Variants in PPWD1 observed in about 807,000 individuals in gnomAD.
The protein encoded by PPWD1 is peptidylprolyl isomerase domain and WD repeat-containing protein 1.
A neutral mutation model predicts 68.8 loss-of-function variants in PPWD1; 43 were observed. That is an observed-to-expected ratio of 0.62 (90% confidence interval 0.49 to 0.81). The LOEUF is 0.81. Ranked by LOEUF, PPWD1 falls within the 30% of genes least tolerant of loss-of-function variation. The pLI, the probability that PPWD1 is intolerant of heterozygous loss-of-function variation, is 0.00. For synonymous variants in PPWD1, 232 were observed against 258.7 expected (o/e 0.90, Z 0.99); for missense variants, 672 against 804.8 (o/e 0.83, Z 2.00).
intron 5 of PPWD1, 46 bp downstream of exon 5, chr5:65,572,332 C>CT: frequency 6.7e-7 from 1 of 1,493,264 alleles, no homozygotes; most frequent in Non-Finnish European, 9.0e-7. Flanking sequence ...TCTAAAAATG[C>CT]TTTATTTTAT....
intron 1 of PPWD1, among the ~76,000 whole-genome samples, chr5:65,565,519 G>GT (rs1171276874): frequency 6.6e-6 from 1 of 152,038 alleles, no homozygotes; most frequent in African/African-American, 2.4e-5. Flanking sequence ...ACAGCCAATA[G>GT]TTGGCCGGGT....
chr5:65,569,502 AAAG>A, intron 2 of PPWD1, 127 bp from the exon 3 acceptor site: 1 of 1,131,038 alleles, frequency 8.8e-7, no homozygotes, highest in Admixed American at 3.5e-5. Context: ...TGGTCTGCTT[AAAG>A]AAGGGTTTTT....
At chr5:65,577,139 C>T (rs1394170723) in intron 6 of PPWD1, 70 bp downstream of exon 6, 1 of 1,525,290 alleles carries the variant, frequency 6.6e-7, no homozygotes, top group East Asian at 2.3e-5. Flanking sequence ...ATCATGGGAA[C>T]AGTGGGAGTA....
At chr5:65,573,806 A>G (rs556762742) in intron 5 of PPWD1, among the ~76,000 whole-genome samples, 2 of 152,170 alleles carry the variant, frequency 1.3e-5, no homozygotes, top group South Asian at 2.1e-4. Flanking sequence ...TTATGATTCT[A>G]TCTCCAGCAG....
At chr5:65,583,947 G>T (rs1264529745) in intron 8 of PPWD1, among the ~76,000 whole-genome samples, 2 of 151,970 alleles carry the variant, frequency 1.3e-5, no homozygotes, top group Non-Finnish European at 2.9e-5. Flanking sequence ...GTGAGACCCT[G>T]TTTCTACAAA....
rs1753136689 is a variant in PPWD1, at chr5:65,573,555, A to ATTTTTTTT, written c.969+1269_969+1270insTTTTTTTT. ...TTTTTTTTTTTTTTTTTTTTTTTTA[A>ATTTTTTTT]GTACAGACGGGTTTCACCGTGTTAG... is the stretch of plus-strand genomic sequence containing the variant. On this transcript the variant is annotated intron_variant, in intron 5 of 10. Coordinates refer to ENST00000261308, the MANE Select transcript of PPWD1 (RefSeq NM_015342.4). Among the ~76,000 whole-genome samples the ATTTTTTTT allele has an allele frequency of 3.6e-4, 2 of 5,566 alleles. 1 individual carries two copies. The highest frequency in any genetic ancestry group is 6.1e-4 in the Non-Finnish European group (2 of 3,272). 3.7% of individuals were successfully genotyped at this position (5,566 alleles called of 152,430 possible). A position where few individuals can be genotyped will look rare whatever the true frequency, so the allele number is the denominator to read the frequency against.
At chr5:65,586,648 A>G (rs1450020527) in intron 10 of PPWD1, among the ~76,000 whole-genome samples, 4 of 152,188 alleles carry the variant, frequency 2.6e-5, no homozygotes, top group Non-Finnish European at 5.9e-5. Flanking sequence ...CAAAATTATA[A>G]AAATTACCTA....
intron 5 of PPWD1, among the ~76,000 whole-genome samples, chr5:65,572,603 T>C (rs1246819012): frequency 1.3e-5 from 2 of 152,184 alleles, no homozygotes; most frequent in African/African-American, 2.4e-5. Context: ...TTCTCACTCT[T>C]TATTCACTCC....
At chr5:65,570,343 G>GT in intron 4 of PPWD1, 2 of 879,756 alleles carry the variant, frequency 2.3e-6, no homozygotes, top group Non-Finnish European at 2.7e-6. Flanking sequence ...ATAGAATTGA[G>GT]TTCCTATAAG....
intron 6 of PPWD1, among the ~76,000 whole-genome samples, chr5:65,577,364 T>A (rs1259084856): frequency 6.6e-6 from 1 of 152,232 alleles, no homozygotes; most frequent in African/African-American, 2.4e-5. Flanking sequence ...TGATTTAAAT[T>A]AGCCTGGTTC....
At chr5:65,566,738 TCTCC>T (rs1485570638) in intron 1 of PPWD1, among the ~76,000 whole-genome samples, 1 of 147,170 alleles carries the variant, frequency 6.8e-6, no homozygotes, top group Non-Finnish European at 1.5e-5. Flanking sequence ...TTCCTTCTTC[TCTCC>T]CTCCCTCCCT....
intron 1 of PPWD1, among the ~76,000 whole-genome samples, chr5:65,565,807 CAAAAA>C (rs35080676): frequency 9.7e-5 from 10 of 103,374 alleles, no homozygotes; most frequent in South Asian, 3.2e-4. Flanking sequence ...GACTCCGTCT[CAAAAA>C]AAAAAAAAAA....
At chr5:65,565,558 C>T (rs866897042) in intron 1 of PPWD1, among the ~76,000 whole-genome samples, 8 of 152,026 alleles carry the variant, frequency 5.3e-5, no homozygotes, top group African/African-American at 1.9e-4. Context: ...AATCCTGGCA[C>T]TTTGGGAGGC....
At chr5:65,576,708 A>G (rs1753302091) in intron 5 of PPWD1, 171 bp from the exon 6 acceptor site, 1 of 879,538 alleles carries the variant, frequency 1.1e-6, no homozygotes, top group Non-Finnish European at 1.4e-6. Context: ...GGACTTACTA[A>G]TGTCTATTTC....
At position 65,567,744 on chromosome 5, in the gene PPWD1, T is replaced by G. The variant is rs1464254891; in HGVS notation, c.299+129T>G. On this transcript the variant is annotated intron_variant, in intron 2 of 10. Transcript: ENST00000261308. ...ATTTTTAATTTCTTAAGTTCTGAAA[T>G]AAAGGCCTACATGTTCTTTCCTATA... is the stretch of plus-strand genomic sequence containing the variant. 9 of 1,359,810 alleles carry G rather than the reference T, an allele frequency of 6.6e-6. No homozygotes were observed. In the African/African-American group the frequency reaches 1.0e-4, roughly 15 times the overall value. The allele number at this position is 1,359,810 out of a possible 1,614,324, so 84.2% of individuals were successfully genotyped here.
At chr5:65,581,743 A>G (rs545888984) in intron 7 of PPWD1, among the ~76,000 whole-genome samples, 1 of 152,340 alleles carries the variant, frequency 6.6e-6, no homozygotes, top group African/African-American at 2.4e-5. Context: ...GTTTGAAAAA[A>G]TAGAGAAACA....
At chr5:65,564,361 G>C (rs1443107818) in intron 1 of PPWD1, among the ~76,000 whole-genome samples, 2 of 127,934 alleles carry the variant, frequency 1.6e-5, no homozygotes, top group African/African-American at 6.0e-5. Context: ...GTCTCGCTCT[G>C]TCGCCCAGGC....
chr5:65,579,901 A>C (rs1753520169), intron 7 of PPWD1, among the ~76,000 whole-genome samples: 1 of 152,220 alleles, frequency 6.6e-6, no homozygotes, highest in African/African-American at 2.4e-5. Flanking sequence ...ATTACATCCA[A>C]AATAGTTTCA....
intron 1 of PPWD1, among the ~76,000 whole-genome samples, chr5:65,565,528 G>C (rs1031135559): frequency 1.3e-5 from 2 of 152,150 alleles, no homozygotes; most frequent in African/African-American, 4.8e-5. Context: ...AGTTGGCCGG[G>C]TGTGGTGGCT....
Sources: gnomAD v4.1 joint callset for allele counts (sites outside exome capture counted in the v4.1 genomes callset) on GRCh38, gnomAD v4.1.1 for gene constraint, MANE v1.5 for transcripts, NCBI Gene and HGNC (gene_info 2026-07-23, HGNC 2026-07-21) for gene names.